Variants in CNMD observed in about 807,000 individuals in gnomAD.
CNMD encodes the protein leukocyte cell-derived chemotaxin 1.
In CNMD, 30 loss-of-function variants were observed where a neutral mutation model predicts 37.5. The observed-to-expected ratio is 0.80, with a 90% CI of 0.60 to 1.09. The LOEUF is 1.09. CNMD is among the 50% of genes least tolerant of loss of function. The pLI is 0.00. For missense variants in CNMD, 398 were observed against 423.9 expected, an observed-to-expected ratio of 0.94 and a Z score of 0.54; for synonymous variants, 167 against 148.2, an observed-to-expected ratio of 1.13 and a Z score of -0.92.
intron 3 of CNMD, among the ~76,000 whole-genome samples, chr13:52,726,013 A>G (rs1410784598): frequency 6.6e-6 from 1 of 152,186 alleles, no homozygotes; most frequent in East Asian, 1.9e-4. Flanking sequence ...TTAATCATGT[A>G]TACATATGTA....
rs1207836527 is a variant in CNMD at position 52,704,162 on chromosome 13, G to A, written c.790-352C>T. Among the ~76,000 whole-genome samples the A allele has an allele frequency of 3.9e-5, 6 of 152,324 alleles. 1 individual carries two copies. In the South Asian group the frequency reaches 8.3e-4, roughly 21 times the overall value. On this transcript the variant is annotated intron_variant, in intron 6 of 6. Transcript: ENST00000377962. ...CAAGAAGGAAGCATTATGATAAAAA[G>A]TAGCATTTCTGCCACTGCTAATTCT...
chr13:52,711,667 G>T (rs927013363), intron 5 of CNMD, among the ~76,000 whole-genome samples: 1 of 152,210 alleles, frequency 6.6e-6, no homozygotes. Context: ...AGTCGTGGCA[G>T]ATCAGAAACC....
intron 4 of CNMD, among the ~76,000 whole-genome samples, chr13:52,713,635 A>G (rs1007231263): frequency 1.3e-5 from 2 of 152,232 alleles, no homozygotes; most frequent in African/African-American, 2.4e-5. Flanking sequence ...CTGCATTAAA[A>G]CAACTTAAAG....
chr13:52,707,387 G>C (rs3989920), intron 6 of CNMD, among the ~76,000 whole-genome samples: 118,568 of 137,220 alleles, frequency 0.86, 50,319 homozygotes, highest in African/African-American at 0.94. Flanking sequence ...TCTAACTGAA[G>C]TGAGAGCCCC....
chr13:52,726,855 A>G (rs1362769125), intron 3 of CNMD, among the ~76,000 whole-genome samples: 2 of 152,220 alleles, frequency 1.3e-5, no homozygotes, highest in Admixed American at 6.5e-5. Context: ...AATCAGAAAG[A>G]CAATTTAGGA....
chr13:52,712,932 AT>A (rs1251659313), intron 4 of CNMD, 63 bp from the exon 5 acceptor site: 1 of 1,292,840 alleles, frequency 7.7e-7, no homozygotes, highest in Non-Finnish European at 1.0e-6. Context: ...ATTAAGAGTC[AT>A]GTGTTGCTAA....
At chr13:52,724,172 G>C in intron 3 of CNMD, 62 bp from the exon 4 acceptor site, 2 of 1,237,752 alleles carry the variant, frequency 1.6e-6, no homozygotes, top group Non-Finnish European at 2.4e-6. Flanking sequence ...TTTATTGAGT[G>C]TCTACTGTGT....
Position 52,712,858 on chromosome 13 carries a change from G to T in CNMD, c.480C>A (p.Ile160=). ...QSISSKLEGK[I]MPVKYEENSL... is the part of the protein sequence containing the mutation. ...AATTTTCTTCATATTTGACTGGCAT[G>T]ATCTTGCCTTCCTGAAAGTAAAAAC... Residue 160 remains isoleucine, a synonymous_variant, in exon 5 of 7, where the codon ATC becomes ATA. Transcript: ENST00000377962. The T allele has an allele frequency of 6.4e-7, 1 of 1,561,412 alleles. No individual in the cohort carries two copies. The highest frequency in any genetic ancestry group is 8.6e-7 in the Non-Finnish European group (1 of 1,158,528).
chr13:52,713,567 C>T (rs920018959), intron 4 of CNMD, among the ~76,000 whole-genome samples: 1 of 152,178 alleles, frequency 6.6e-6, no homozygotes, highest in African/African-American at 2.4e-5. Context: ...AAAATGTTTT[C>T]TCCTAATTTT....
intron 3 of CNMD, among the ~76,000 whole-genome samples, chr13:52,724,589 T>C (rs908840663): frequency 1.4e-4 from 21 of 147,024 alleles, no homozygotes; most frequent in African/African-American, 5.1e-4. Flanking sequence ...CAAGACTCCG[T>C]CTCAAAACAA....
intron 5 of CNMD, among the ~76,000 whole-genome samples, chr13:52,711,692 C>T (rs1484134988): frequency 1.2e-4 from 18 of 152,266 alleles, no homozygotes; most frequent in Non-Finnish European, 2.9e-5. Context: ...CTTCCTAAGC[C>T]TGGTGGGTAT....
At chr13:52,724,821 C>T (rs1035170716) in intron 3 of CNMD, among the ~76,000 whole-genome samples, 5 of 151,748 alleles carry the variant, frequency 3.3e-5, no homozygotes, top group Non-Finnish European at 5.9e-5. Flanking sequence ...CGCTTGAACC[C>T]GGGAGGTGGA....
intron 5 of CNMD, among the ~76,000 whole-genome samples, chr13:52,710,436 T>A (rs180942773): frequency 1.4e-3 from 207 of 152,316 alleles, no homozygotes; most frequent in Admixed American, 3.1e-3. Context: ...CACACAGAGC[T>A]CAGCAGGTGT....
At chr13:52,709,997 G>A (rs1047196108) in intron 5 of CNMD, among the ~76,000 whole-genome samples, 1 of 152,082 alleles carries the variant, frequency 6.6e-6, no homozygotes, top group African/African-American at 2.4e-5. Flanking sequence ...GTACCACACA[G>A]CTTGGATTTT....
chr13:52,725,669 A>G (rs1375544115), intron 3 of CNMD, among the ~76,000 whole-genome samples: 1 of 152,192 alleles, frequency 6.6e-6, no homozygotes, highest in East Asian at 1.9e-4. Flanking sequence ...TTTTTATGGT[A>G]TAATAATGGA....
chr13:52,726,070 CAG>C (rs1418446298), intron 3 of CNMD, among the ~76,000 whole-genome samples: 6 of 152,200 alleles, frequency 3.9e-5, no homozygotes, highest in Non-Finnish European at 8.8e-5. Flanking sequence ...CTCAGAGAGA[CAG>C]GGGCATTATC....
At chr13:52,732,505 G>A (rs1387590259) in intron 3 of CNMD, among the ~76,000 whole-genome samples, 1 of 152,160 alleles carries the variant, frequency 6.6e-6, no homozygotes, top group South Asian at 2.1e-4. Context: ...AGATGTGAAT[G>A]TTTTATCTCT....
At chr13:52,737,782 T>C (rs1309066745) in intron 2 of CNMD, among the ~76,000 whole-genome samples, 1 of 152,240 alleles carries the variant, frequency 6.6e-6, no homozygotes, top group Non-Finnish European at 1.5e-5. Flanking sequence ...CATTCTCTTA[T>C]TCACATTTGC....
In CNMD at chr13:52,703,650, C is replaced by T; in HGVS notation, c.950G>A (p.Cys317Tyr). 5.0e-6 allele frequency: 8 copies of T among 1,614,076 alleles called. No individual in the cohort carries two copies. The highest frequency in any genetic ancestry group is 6.8e-6 in the Non-Finnish European group (8 of 1,179,970). The change falls in exon 7 of 7, where the codon TGC becomes TAC. Residue 317 changes from cysteine to tyrosine, a missense_variant. Cys to Tyr is a radical substitution (Grantham distance 194, BLOSUM62 -2). Coordinates refer to ENST00000377962, the MANE Select transcript of CNMD (RefSeq NM_007015.3). The stretch of plus-strand genomic sequence containing the variant: ...CCAGCTACATGGCATGATGACTCTG[C>T]AGGCCGAACGGCAGCCTTGATAATT... ...PYNYQGCRSA[C>Y]RVIMPCSWWV...
Sources: allele counts gnomAD v4.1 joint callset (sites outside exome capture counted in the v4.1 genomes callset), GRCh38; gene constraint gnomAD v4.1.1; transcripts MANE v1.5; gene names NCBI Gene and HGNC (gene_info 2026-07-23, HGNC 2026-07-21).